Variants in DPP6 observed in about 807,000 individuals in gnomAD.
DPP6 encodes the protein dipeptidyl peptidase like 6, also known as A-type potassium channel modulatory protein DPP6.
A neutral mutation model predicts 122.6 loss-of-function variants in DPP6; 69 were observed. The observed-to-expected ratio is 0.56, with a 90% confidence interval of 0.46 to 0.69. The LOEUF (loss-of-function observed/expected upper bound fraction) is 0.69, where lower values mean the gene tolerates loss of function less well. Ranked by LOEUF, DPP6 falls within the 30% of genes least tolerant of loss-of-function variation. DPP6 has a pLI of 0.00. For missense variants in DPP6, 928 were observed against 1,116.9 expected (o/e 0.83, Z 2.41); for synonymous variants, 418 against 433.1 (o/e 0.97, Z 0.43).
At chr7:154,293,940 C>G (rs1805368436) in intron 1 of DPP6, among the ~76,000 whole-genome samples, 1 of 152,166 alleles carries the variant, frequency 6.6e-6, no homozygotes. Flanking sequence ...ATGAATAAGA[C>G]CTTCCCTTAC....
At chr7:154,137,414 A>G (rs1795611713) in intron 1 of DPP6, among the ~76,000 whole-genome samples, 1 of 151,820 alleles carries the variant, frequency 6.6e-6, no homozygotes. Context: ...AAGCAGAATC[A>G]CAGACATGTG....
intron 25 of DPP6, 166 bp downstream of exon 25, chr7:154,889,696 C>T (rs1022550130): frequency 6.5e-5 from 68 of 1,049,798 alleles, no homozygotes; most frequent in African/African-American, 3.7e-4. Flanking sequence ...ACATGCTCAA[C>T]GTTTTCTTAT....
intron 4 of DPP6, among the ~76,000 whole-genome samples, chr7:154,545,094 A>G (rs1458860256): frequency 3.9e-5 from 6 of 152,228 alleles, no homozygotes; most frequent in Non-Finnish European, 7.3e-5. Context: ...TCAATAAAAA[A>G]TCAAACCTAA....
intron 21 of DPP6, 67 bp from the exon 22 acceptor site, chr7:154,885,566 C>T: frequency 6.5e-7 from 1 of 1,532,354 alleles, no homozygotes; most frequent in South Asian, 1.2e-5. Context: ...TGTCTCCCTG[C>T]CCGAGGCTGC....
At chr7:153,815,895 T>C in the DPP6 span, among the ~76,000 whole-genome samples, 6 of 152,168 alleles carry the variant, frequency 3.9e-5, no homozygotes, top group African/African-American at 7.2e-5. Flanking sequence ...TAATATAAAT[T>C]AAGAGAATAT....
intron 16 of DPP6, among the ~76,000 whole-genome samples, chr7:154,849,585 C>G (rs1373901534): frequency 5.3e-5 from 8 of 152,184 alleles, no homozygotes; most frequent in Non-Finnish European, 1.5e-5. Flanking sequence ...CTTTATGGTT[C>G]TCTTTACAGA....
At chr7:154,283,987 G>A (rs1804688849) in intron 1 of DPP6, among the ~76,000 whole-genome samples, 1 of 152,162 alleles carries the variant, frequency 6.6e-6, no homozygotes, top group African/African-American at 2.4e-5. Context: ...CGCTTTACAA[G>A]TTGCTTTCAA....
chr7:154,314,008 A>G (rs975496015), intron 1 of DPP6, among the ~76,000 whole-genome samples: 4 of 151,956 alleles, frequency 2.6e-5, no homozygotes, highest in African/African-American at 9.7e-5. Context: ...AAGCTGTAAC[A>G]ACGTCTCAAA....
rs565852819 is a variant in DPP6, at chr7:154,760,350, G to C, written c.884-9067G>C. On this transcript the variant is annotated intron_variant, in intron 8 of 25. Coordinates refer to ENST00000377770, the MANE Select transcript of DPP6 (RefSeq NM_130797.4). The surrounding 1 kb of genome is among the most constrained non-coding windows in gnomAD (Gnocchi z 4.5). ...GGGCTGTGTGTGCAAATTCAGGGGGGTGGGGTGGAGGAAATTCAGTCCATG... is the reference window on the plus strand; with the variant it reads ...GGGCTGTGTGTGCAAATTCAGGGGGCTGGGGTGGAGGAAATTCAGTCCATG... 2.0e-5 allele frequency among the ~76,000 whole-genome samples: 3 copies of C among 152,164 alleles called. No homozygotes were observed. Among genetic ancestry groups the C allele is most frequent in the South Asian group, 4.2e-4 (2 of 4,816 alleles).
chr7:153,848,767 A>G, the DPP6 span, among the ~76,000 whole-genome samples: 1 of 152,194 alleles, frequency 6.6e-6, no homozygotes, highest in African/African-American at 2.4e-5. Context: ...TTGTTATATC[A>G]ATCCTTTAAG....
At chr7:154,086,940 C>G (rs948050723) in intron 1 of DPP6, among the ~76,000 whole-genome samples, 11 of 152,164 alleles carry the variant, frequency 7.2e-5, no homozygotes, top group Non-Finnish European at 1.5e-4. Context: ...TGTTAAATAT[C>G]TCACCCACAC....
intron 5 of DPP6, among the ~76,000 whole-genome samples, chr7:154,630,756 G>C (rs566523518): frequency 2.6e-5 from 4 of 152,186 alleles, no homozygotes; most frequent in African/African-American, 9.6e-5. Context: ...GACACCGGGA[G>C]GGGAACATCA....
At chr7:154,454,242 T>C (rs766900766) in intron 2 of DPP6, among the ~76,000 whole-genome samples, 3 of 152,236 alleles carry the variant, frequency 2.0e-5, no homozygotes, top group Non-Finnish European at 2.9e-5. Context: ...CCGTGCCTGC[T>C]CACACCCATC....
intron 5 of DPP6, among the ~76,000 whole-genome samples, chr7:154,630,553 T>C (rs1034949968): frequency 5.3e-5 from 8 of 152,194 alleles, no homozygotes; most frequent in Non-Finnish European, 1.0e-4. Context: ...TAATGCCCAG[T>C]GATGATGAGC....
At chr7:154,620,069 G>T (rs952758233) in intron 5 of DPP6, among the ~76,000 whole-genome samples, 3 of 152,216 alleles carry the variant, frequency 2.0e-5, no homozygotes, top group Non-Finnish European at 2.9e-5. Flanking sequence ...TGATTCTGAT[G>T]CAAGTGAAGG....
At chr7:154,195,279 A>G (rs1798808333) in intron 1 of DPP6, among the ~76,000 whole-genome samples, 4 of 152,356 alleles carry the variant, frequency 2.6e-5, no homozygotes, top group Admixed American at 2.0e-4. Context: ...CACATGTGAT[A>G]TAAATGACTT....
Position 153,903,852 on chromosome 7 carries a change from C to T in DPP6, c.51+16118C>T, listed in dbSNP as rs529798820. Among the ~76,000 whole-genome samples the T allele has an allele frequency of 2.6e-5, 4 of 152,198 alleles. No homozygotes were observed. In the South Asian group the frequency reaches 8.3e-4, roughly 32 times the overall value. On this transcript the variant is annotated intron_variant, in intron 1 of 25. Transcript: ENST00000404039. ...TCAGTACTTTGTTCTCTTTCTGTAT[C>T]CCAGGAAGTCAGCAACTGGGCCCTG...
At chr7:153,844,067 A>G in the DPP6 span, among the ~76,000 whole-genome samples, 192 of 152,266 alleles carry the variant, frequency 1.3e-3, no homozygotes, top group Non-Finnish European at 1.8e-3. Flanking sequence ...TGGGATAGGA[A>G]TCTTGGTGAT....
chr7:154,226,522 G>A (rs1425202918), intron 1 of DPP6, among the ~76,000 whole-genome samples: 3 of 152,310 alleles, frequency 2.0e-5, no homozygotes, highest in Admixed American at 2.0e-4. Flanking sequence ...CCTTTCTAAT[G>A]TCTTAACATT....
Sources: allele counts gnomAD v4.1 joint callset (sites outside exome capture counted in the v4.1 genomes callset), GRCh38; gene constraint gnomAD v4.1.1; non-coding constraint Gnocchi (gnomAD v3.1); transcripts MANE v1.5; gene names NCBI Gene and HGNC (gene_info 2026-07-23, HGNC 2026-07-21).